The following BRD9 variants were observed in gnomAD, a reference collection of about 807,000 sequenced individuals.
BRD9 encodes bromodomain-containing protein 9.
BRD9 carries 47 observed loss-of-function variants against 68.7 expected under a neutral mutation model. That is an observed-to-expected ratio of 0.68 (90% CI 0.54 to 0.87). The LOEUF is 0.87. Ranked by LOEUF, BRD9 falls within the 40% of genes least tolerant of loss-of-function variation. BRD9 has a pLI of 0.00. For synonymous variants in BRD9, 313 were observed against 293.9 expected (o/e 1.06, Z -0.67); for missense variants, 670 against 748.4 (o/e 0.90, Z 1.22).
rs1262383844 is a variant in BRD9 at position 868,253 on chromosome 5, G to A, written c.1525+2220C>T. Among the ~76,000 whole-genome samples, 20 of 152,216 alleles carry A rather than the reference G, an allele frequency of 1.3e-4. 2 individuals carry two copies. The highest frequency in any genetic ancestry group is 1.3e-3 in the Admixed American group (20 of 15,284). Reference sequence around the variant, plus strand: ...TGCCTCCCAAACAGCCTGAGGAACTGTGAGTCAATTAAACCTCTTTCCTTC... The same window carrying A: ...TGCCTCCCAAACAGCCTGAGGAACTATGAGTCAATTAAACCTCTTTCCTTC... On this transcript the variant is annotated intron_variant, in intron 14 of 15. Transcript: ENST00000467963.
At position 881,155 on chromosome 5, in the gene BRD9, C is replaced by T. The variant is rs140948018; in HGVS notation, c.994G>A (p.Gly332Arg). 87 of 1,613,948 alleles carry T rather than the reference C, an allele frequency of 5.4e-5. No individual in the cohort carries two copies. The highest frequency in any genetic ancestry group is 8.0e-5 in the African/African-American group (6 of 74,950). ...KMGYLKRNGD[G>R]SLLYSVVNTA... is the part of the protein sequence containing the mutation. ...TTGACCACGCTGTAGAGCAGGCTCCCGTCCCCGTTCCTCTTCAGATAGCCC... is the reference window on the plus strand; with the variant it reads ...TTGACCACGCTGTAGAGCAGGCTCCTGTCCCCGTTCCTCTTCAGATAGCCC... Residue 332 changes from glycine to arginine, a missense_variant, in exon 9 of 16, where the codon GGG (glycine) becomes AGG (arginine). Around this residue, in one of 5 missense-constraint regions of BRD9, gnomAD observed 135 missense variants for 141.2 expected, o/e 0.96. Transcript: ENST00000467963.
At position 864,415 on chromosome 5, in the gene BRD9, C is replaced by G. The variant is rs970584202; in HGVS notation, c.*53G>C. Reference sequence around the variant, plus strand: ...CTTGTCTGATGACAAAAACTCTACACGTGCAAAATAAAACTAAAAAAATAA... The same window carrying G: ...CTTGTCTGATGACAAAAACTCTACAGGTGCAAAATAAAACTAAAAAAATAA... On this transcript the variant is annotated 3_prime_UTR_variant, in exon 16 of 16. Transcript: ENST00000467963. The G allele has an allele frequency of 1.0e-5, 15 of 1,443,152 alleles. No homozygotes were observed. The South Asian group carries it at 1.7e-4, about 17-fold the overall frequency. The allele number at this position is 1,443,152 out of a possible 1,614,324, so 89.4% of individuals were successfully genotyped here.
Position 881,096 on chromosome 5 carries a change from CG to C in BRD9, c.1042+10del. 6.2e-7 allele frequency: 1 copy of C among 1,613,394 alleles called. No individual in the cohort carries two copies. Among genetic ancestry groups the C allele is most frequent in the Non-Finnish European group, 8.5e-7 (1 of 1,179,628 alleles). On this transcript the variant is annotated intron_variant, in intron 9 of 15. Coordinates refer to ENST00000467963, the MANE Select transcript of BRD9 (RefSeq NM_023924.5). ...CGGAGAGCATAAAGCCAGCCCTGAGCGGGCACCCACCATCAGCGTCCGGCTC... is the reference window on the plus strand; with the variant it reads ...CGGAGAGCATAAAGCCAGCCCTGAGCGGCACCCACCATCAGCGTCCGGCTC...
intron 3 of BRD9, chr5:889,958 G>A (rs1753119352): frequency 8.1e-6 from 3 of 370,832 alleles, no homozygotes; most frequent in Non-Finnish European, 1.6e-5. Context: ...ATGGACGACG[G>A]AACAAACGCT....
chr5:886,986 A>G (rs1009607712), intron 6 of BRD9: 12 of 533,756 alleles, frequency 2.2e-5, no homozygotes, highest in Admixed American at 1.7e-4. Context: ...GGATGCATGC[A>G]GCCTGGCTCA....
At position 891,133 on chromosome 5, in the gene BRD9, G is replaced by C. The variant is rs749768624; in HGVS notation, c.400+22C>G. ...ACGATGAGCTGTGAACACCAGGAGA[G>C]TCTCTAAAAGTGCACCCTTGCCTGG... On this transcript the variant is annotated intron_variant, in intron 3 of 15. Coordinates refer to ENST00000467963, the MANE Select transcript of BRD9 (RefSeq NM_023924.5). 2.3e-5 allele frequency: 35 copies of C among 1,538,522 alleles called. No homozygotes were observed. The South Asian group carries it at 4.0e-4, about 18-fold the overall frequency.
rs776584066 is a variant in BRD9 at position 881,147 on chromosome 5, C to A, written c.1002G>T (p.Leu334=). ...GYLKRNGDGS[L]LYSVVNTAEP... ...CGGCCGTGTTGACCACGCTGTAGAG[C>A]AGGCTCCCGTCCCCGTTCCTCTTCA... The change falls in exon 9 of 16, where the codon CTG becomes CTT. Residue 334 remains leucine (L), a synonymous_variant. Transcript: ENST00000467963. 1 of 1,614,004 alleles carries A rather than the reference C, an allele frequency of 6.2e-7. No individual in the cohort carries two copies. Among genetic ancestry groups the A allele is most frequent in the African/African-American group, 1.3e-5 (1 of 74,954 alleles).
chr5:887,318 G>A, intron 6 of BRD9, 43 bp downstream of exon 6: 1 of 1,515,220 alleles, frequency 6.6e-7, no homozygotes, highest in Non-Finnish European at 9.2e-7. Flanking sequence ...GGGGGGCAGA[G>A]CCCCTGCTTT....
At chr5:881,772 G>C (rs1361316404) in intron 8 of BRD9, 1 of 155,532 alleles carries the variant, frequency 6.4e-6, no homozygotes, top group East Asian at 1.9e-4. Flanking sequence ...CCGGACGTTT[G>C]TGTGGGGGCA....
chr5:889,267 TTAAAAA>T (rs1283357421), intron 4 of BRD9, 102 bp from the exon 5 acceptor site: 5 of 1,283,132 alleles, frequency 3.9e-6, no homozygotes, highest in African/African-American at 1.5e-5. Flanking sequence ...ATTTTGTTTC[TTAAAAA>T]TAAAAAAGTT....
At chr5:870,155 C>A in intron 14 of BRD9, 1 of 278,544 alleles carries the variant, frequency 3.6e-6, no homozygotes, top group Non-Finnish European at 6.9e-6. Context: ...TAGGGAACCC[C>A]ACCTTTTGGG....
At chr5:891,948 C>T (rs1354288845) in intron 1 of BRD9, 94 bp from the exon 2 acceptor site, 23 of 1,502,278 alleles carry the variant, frequency 1.5e-5, no homozygotes, top group Non-Finnish European at 1.9e-5. Context: ...GAAAGGCCTC[C>T]CTAAGGAGTA....
chr5:877,648 T>A (rs566289574), intron 11 of BRD9, among the ~76,000 whole-genome samples: 1 of 152,356 alleles, frequency 6.6e-6, no homozygotes, highest in African/African-American at 2.4e-5. Context: ...AAAAGCAGGC[T>A]GCTACATTTG....
At position 876,232 on chromosome 5, in the gene BRD9, A is replaced by C; in HGVS notation, c.1272-20T>G. ...TGCAGGCTAGAGGGGCCGCGGGAGA[A>C]GGTACGCTGAAAGGAGCCCTTGTCG... On this transcript the variant is annotated intron_variant, in intron 11 of 15. Transcript: ENST00000467963. 1 of 1,593,428 alleles carries C rather than the reference A, an allele frequency of 6.3e-7. No individual in the cohort carries two copies. The highest frequency in any genetic ancestry group is 8.6e-7 in the Non-Finnish European group (1 of 1,162,342).
At chr5:891,321 G>A (rs1172245243) in intron 2 of BRD9, 34 bp from the exon 3 acceptor site, 4 of 1,545,860 alleles carry the variant, frequency 2.6e-6, no homozygotes, top group Non-Finnish European at 3.5e-6. Flanking sequence ...GAGAAAGGCA[G>A]GAGTAGGCGG....
At chr5:886,370 C>T (rs1752566575) in intron 7 of BRD9, among the ~76,000 whole-genome samples, 1 of 152,132 alleles carries the variant, frequency 6.6e-6, no homozygotes, top group African/African-American at 2.4e-5. Context: ...CAGGGGTGAT[C>T]GGACGGGCTT....
At chr5:870,405 G>A in intron 14 of BRD9, 68 bp downstream of exon 14, 2 of 1,185,128 alleles carry the variant, frequency 1.7e-6, no homozygotes, top group Non-Finnish European at 2.5e-6. Flanking sequence ...AGGAGGTGGA[G>A]GCCGTGTGTT....
In BRD9 at chr5:891,616, G is replaced by A. The variant is rs183609625; in HGVS notation, c.267+24C>T. The stretch of plus-strand genomic sequence containing the variant: ...CACGGGCTCCTCGTGGGCAGCGTCC[G>A]GGCCACCGCCGCTGCTCCTTTACCT... On this transcript the variant is annotated intron_variant, in intron 2 of 15. Transcript: ENST00000467963. 1.6e-4 allele frequency: 249 copies of A among 1,548,680 alleles called. No individual in the cohort carries two copies. In the African/African-American group the frequency reaches 2.9e-3, roughly 18 times the overall value.
chr5:870,190 C>T (rs965959683), intron 14 of BRD9: 2 of 360,268 alleles, frequency 5.6e-6, no homozygotes, highest in East Asian at 1.1e-4. Flanking sequence ...GTAGGCAACA[C>T]TGATGAAATC....
Sources: gnomAD v4.1 joint callset for allele counts (sites outside exome capture counted in the v4.1 genomes callset) on GRCh38, gnomAD v4.1.1 for gene constraint, gnomAD v4.1.1 regional missense constraint, MANE v1.5 for transcripts, NCBI Gene and HGNC (gene_info 2026-07-23, HGNC 2026-07-21) for gene names.